Variants in CHD6 observed in about 807,000 individuals in gnomAD.
CHD6 encodes the protein ATP-dependent chromatin remodeler CHD6.
In CHD6, 50 loss-of-function variants were observed where a neutral mutation model predicts 276.9. That is an observed-to-expected ratio of 0.18 (90% CI 0.14 to 0.23). The LOEUF (loss-of-function observed/expected upper bound fraction) is 0.23, where lower values mean the gene tolerates loss of function less well. Ranked by LOEUF, CHD6 falls within the 10% of genes least tolerant of loss-of-function variation. The probability of loss-of-function intolerance (pLI) is 1.00; values close to 1 mark genes in which losing one functional copy is unlikely to be tolerated. For synonymous variants in CHD6, 1,173 were observed against 1,229.3 expected (o/e 0.95, Z 0.96); for missense variants, 2,564 against 3,365.8 (o/e 0.76, Z 5.89).
chr20:41,437,173 G>T, intron 27 of CHD6, 101 bp downstream of exon 27: 1 of 848,674 alleles, frequency 1.2e-6, no homozygotes, highest in Non-Finnish European at 2.0e-6. Context: ...CAATGTAACT[G>T]TAGTAATGCA....
At position 41,516,970 on chromosome 20, in the gene CHD6, C is replaced by A. The variant is rs184145210; in HGVS notation, c.555-2018G>T. On this transcript the variant is annotated intron_variant, in intron 3 of 36. Transcript: ENST00000373233. ...TGGGGAAGAGAAGGAAACTGGATGA[C>A]CTGGCTCAGAGGGGTGATCAAGCAC... is the stretch of plus-strand genomic sequence containing the variant. Among the ~76,000 whole-genome samples the A allele has an allele frequency of 3.3e-5, 5 of 152,240 alleles. No homozygotes were observed. The East Asian group carries it at 9.7e-4, about 29-fold the overall frequency.
chr20:41,450,915 C>A (rs752795322), intron 23 of CHD6, 31 bp downstream of exon 23: 4 of 1,591,678 alleles, frequency 2.5e-6, no homozygotes, highest in African/African-American at 1.3e-5. Context: ...AGCCGGGCTG[C>A]CACCAGGGTA....
intron 1 of CHD6, among the ~76,000 whole-genome samples, chr20:41,583,826 T>C (rs1490474760): frequency 6.6e-6 from 1 of 152,170 alleles, no homozygotes; most frequent in African/African-American, 2.4e-5. Flanking sequence ...GGAAGGTAGG[T>C]TGTGATGTAT....
In CHD6 at chr20:41,425,197, T is replaced by G; in HGVS notation, c.4327A>C (p.Asn1443His). 6.2e-7 allele frequency: 1 copy of G among 1,614,224 alleles called. No individual in the cohort carries two copies. The highest frequency in any genetic ancestry group is 8.5e-7 in the Non-Finnish European group (1 of 1,180,026). ...FRRTSEMDLI[N>H]KEAQKRWTRR... Reference sequence around the variant, plus strand: ...TTTTACCTCTTTTGGGCTTCCTTGTTGATGAGGTCCATTTCTGAGGTTCTC... The same window carrying G: ...TTTTACCTCTTTTGGGCTTCCTTGTGGATGAGGTCCATTTCTGAGGTTCTC... Residue 1443 changes from asparagine (N) to histidine (H), a missense_variant, in exon 29 of 37, where the codon AAC becomes CAC. By Grantham distance (68) the Asn-to-His change is moderately conservative. Coordinates refer to ENST00000373233, the MANE Select transcript of CHD6 (RefSeq NM_032221.5).
Position 41,522,496 on chromosome 20 carries a change from C to A in CHD6, c.555-7544G>T, listed in dbSNP as rs561220772. ...TGCATGATCTTAAAATGTCTCCCTGCAGATTACTTATTAGTTATAAGGGAA... is the reference window on the plus strand; with the variant it reads ...TGCATGATCTTAAAATGTCTCCCTGAAGATTACTTATTAGTTATAAGGGAA... On this transcript the variant is annotated intron_variant, in intron 3 of 36. Coordinates refer to ENST00000373233, the MANE Select transcript of CHD6 (RefSeq NM_032221.5). Among the ~76,000 whole-genome samples, 7 of 152,204 alleles carry A rather than the reference C, an allele frequency of 4.6e-5. No homozygotes were observed. The South Asian group carries it at 8.3e-4, about 18-fold the overall frequency.
chr20:41,606,424 G>A (rs1308181834), intron 1 of CHD6, among the ~76,000 whole-genome samples: 3 of 152,218 alleles, frequency 2.0e-5, no homozygotes, highest in Non-Finnish European at 4.4e-5. Flanking sequence ...TGAGGCGGGA[G>A]AATGGCGTGA....
rs182267215 is a variant in CHD6 at position 41,592,987 on chromosome 20, C to G, written c.-24+25353G>C. 6.6e-5 allele frequency among the ~76,000 whole-genome samples: 10 copies of G among 152,140 alleles called. No individual in the cohort carries two copies. In the East Asian group the frequency reaches 1.9e-3, roughly 29 times the overall value. On this transcript the variant is annotated intron_variant, in intron 1 of 36. Coordinates refer to ENST00000373233, the MANE Select transcript of CHD6 (RefSeq NM_032221.5). ...AATTTAAGAAGTGACTATGTAAAAG[C>G]ACTTCCTTAAAAGACTTCCTTAAAC... is the stretch of plus-strand genomic sequence containing the variant.
rs1271676418 is a variant in CHD6 at position 41,455,884 on chromosome 20, A to G, written c.2925T>C (p.Cys975=). The G allele has an allele frequency of 1.2e-6, 2 of 1,613,064 alleles. No individual in the cohort carries two copies. Among genetic ancestry groups the G allele is most frequent in the African/African-American group, 2.7e-5 (2 of 74,878 alleles). ...GCAGAATCTGGTCTATGTCTTCTTC[A>G]CAGAACTTGGAGCCTTCATCTTCTT... is the stretch of plus-strand genomic sequence containing the variant. ...MDEEDEGSKF[C]EEDIDQILQR... Residue 975 remains cysteine, a synonymous_variant, in exon 19 of 37, where the codon TGT becomes TGC. Coordinates refer to ENST00000373233, the MANE Select transcript of CHD6 (RefSeq NM_032221.5).
In CHD6 at chr20:41,402,858, C is replaced by A; in HGVS notation, c.*1735G>T. The A allele has an allele frequency of 4.8e-6, 1 of 208,972 alleles. No homozygotes were observed. The highest frequency in any genetic ancestry group is 9.8e-6 in the Non-Finnish European group (1 of 102,558). The allele number at this position is 208,972 out of a possible 1,614,324, so 12.9% of individuals were successfully genotyped here. ...ATCTGTGGTCAGCATTATAGACCAT[C>A]TATGCTACAAGGATGTCATTAAATA... is the stretch of plus-strand genomic sequence containing the variant. On this transcript the variant is annotated 3_prime_UTR_variant, in exon 37 of 37. Transcript: ENST00000373233.
At chr20:41,438,422 T>C (rs758257129) in intron 26 of CHD6, among the ~76,000 whole-genome samples, 1 of 152,064 alleles carries the variant, frequency 6.6e-6, no homozygotes, top group African/African-American at 2.4e-5. Flanking sequence ...AAACCCCGTC[T>C]CTACTAAAAA....
At chr20:41,592,274 G>C (rs972262702) in intron 1 of CHD6, among the ~76,000 whole-genome samples, 1 of 151,794 alleles carries the variant, frequency 6.6e-6, no homozygotes, top group Non-Finnish European at 1.5e-5. Context: ...TTTAAAAAAA[G>C]GACATGAACC....
chr20:41,607,130 C>T, intron 1 of CHD6, among the ~76,000 whole-genome samples: 1 of 152,308 alleles, frequency 6.6e-6, no homozygotes, highest in East Asian at 1.9e-4. Flanking sequence ...ATGAACTTAT[C>T]ATTTGCCTCT....
intron 32 of CHD6, 148 bp downstream of exon 32, chr20:41,417,050 T>C: frequency 2.6e-6 from 2 of 779,398 alleles, no homozygotes; most frequent in Non-Finnish European, 4.0e-6. Flanking sequence ...GTATCTTTAA[T>C]GTTCAAATGC....
chr20:41,421,597 C>T lies in CHD6; in HGVS notation c.5038G>A (p.Glu1680Lys), dbSNP rs141620577. ...DHLSLPDVTCENFISKVQDVI... is the reference protein window; with the variant it reads ...DHLSLPDVTCKNFISKVQDVI... Reference sequence around the variant, plus strand: ...TCCTGAACTTTAGAAATAAAGTTTTCACATGTCACATCAGGCAGGCTGAGA... The same window carrying T: ...TCCTGAACTTTAGAAATAAAGTTTTTACATGTCACATCAGGCAGGCTGAGA... The change falls in exon 31 of 37, where the codon GAA (glutamate) becomes AAA (lysine). Residue 1680 changes from glutamate to lysine, a missense_variant. By Grantham distance (56) the Glu-to-Lys change is moderately conservative. Around this residue, in one of 7 missense-constraint regions of CHD6, gnomAD observed 1,024 missense variants for 1,047.9 expected, o/e 0.98. Coordinates refer to ENST00000373233, the MANE Select transcript of CHD6 (RefSeq NM_032221.5). 41 of 1,613,748 alleles carry T rather than the reference C, an allele frequency of 2.5e-5. No homozygotes were observed. Among genetic ancestry groups the T allele is most frequent in the Non-Finnish European group, 3.1e-5 (37 of 1,179,942 alleles).
chr20:41,608,701 G>T (rs1279198125), intron 1 of CHD6, among the ~76,000 whole-genome samples: 1 of 152,188 alleles, frequency 6.6e-6, no homozygotes, highest in Non-Finnish European at 1.5e-5. Flanking sequence ...GATGTCTTCA[G>T]AAGTACCTTC....
At chr20:41,553,383 C>G (rs2045174617) in intron 1 of CHD6, among the ~76,000 whole-genome samples, 1 of 152,196 alleles carries the variant, frequency 6.6e-6, no homozygotes, top group African/African-American at 2.4e-5. Flanking sequence ...TTTGTCAGGC[C>G]CTGTCCTAAG....
intron 14 of CHD6, among the ~76,000 whole-genome samples, 158 bp downstream of exon 14, chr20:41,487,507 C>A (rs919675206): frequency 3.3e-5 from 5 of 152,160 alleles, no homozygotes; most frequent in Non-Finnish European, 7.4e-5. Flanking sequence ...AATCAGCGTA[C>A]CCGCCCCAAC....
intron 1 of CHD6, among the ~76,000 whole-genome samples, chr20:41,560,332 T>C (rs747093666): frequency 2.0e-5 from 3 of 152,192 alleles, no homozygotes; most frequent in Non-Finnish European, 4.4e-5. Flanking sequence ...CATCCAACTA[T>C]ACTGAACACC....
intron 14 of CHD6, among the ~76,000 whole-genome samples, chr20:41,484,970 A>C (rs933968298): frequency 1.3e-5 from 2 of 152,190 alleles, no homozygotes; most frequent in South Asian, 4.1e-4. Context: ...ATTTTAAATT[A>C]TGTTCGGAGG....
Sources: allele counts gnomAD v4.1 joint callset (sites outside exome capture counted in the v4.1 genomes callset), GRCh38; gene constraint gnomAD v4.1.1; regional missense constraint gnomAD v4.1.1; transcripts MANE v1.5; gene names NCBI Gene and HGNC (gene_info 2026-07-23, HGNC 2026-07-21).